The following PDE1A variants were observed in gnomAD, a reference collection of about 807,000 sequenced individuals.
PDE1A encodes dual specificity calcium/calmodulin-dependent 3',5'-cyclic nucleotide phosphodiesterase 1A.
PDE1A carries 35 observed loss-of-function variants against 61.7 expected under a neutral mutation model. The observed-to-expected ratio is 0.57, with a 90% CI of 0.43 to 0.75. The LOEUF (loss-of-function observed/expected upper bound fraction) is 0.75, where lower values mean the gene tolerates loss of function less well. PDE1A is among the 30% of genes least tolerant of loss of function. The probability of loss-of-function intolerance (pLI) is 0.00; values close to 1 mark genes in which losing one functional copy is unlikely to be tolerated. For synonymous variants in PDE1A, 232 were observed against 213.2 expected (o/e 1.09, Z -0.77); for missense variants, 597 against 630.6 (o/e 0.95, Z 0.57).
Position 182,234,420 on chromosome 2 carries a change from A to C in PDE1A, c.417+12T>G, listed in dbSNP as rs1414003185. 3 of 1,576,304 alleles carry C rather than the reference A, an allele frequency of 1.9e-6. No homozygotes were observed. In the Admixed American group the frequency reaches 5.3e-5, roughly 28 times the overall value. Reference sequence around the variant, plus strand: ...GACCATTTTATACACGAAAATAATGAAATTATGTCACCTTTAATGTTACGA... The same window carrying C: ...GACCATTTTATACACGAAAATAATGCAATTATGTCACCTTTAATGTTACGA... On this transcript the variant is annotated intron_variant, in intron 4 of 13. Coordinates refer to ENST00000351439, the Ensembl canonical transcript of PDE1A.
chr2:182,713,189 C>G, the PDE1A span, among the ~76,000 whole-genome samples: 1 of 152,142 alleles, frequency 6.6e-6, no homozygotes, highest in South Asian at 2.1e-4. Flanking sequence ...TTTGGCAAAT[C>G]TTTGCCCCTA....
intron 13 of PDE1A, among the ~76,000 whole-genome samples, chr2:182,174,754 T>C (rs1417325715): frequency 6.6e-6 from 1 of 151,812 alleles, no homozygotes; most frequent in Non-Finnish European, 1.5e-5. Context: ...TTTATTTTAT[T>C]TTTATTATAC....
chr2:182,716,711 C>T, the PDE1A span, among the ~76,000 whole-genome samples: 7 of 152,250 alleles, frequency 4.6e-5, no homozygotes, highest in African/African-American at 1.7e-4. Context: ...TAAGTCCGAC[C>T]TGAGACTTCA....
At chr2:182,484,456 G>C (rs1007088214) in intron 2 of PDE1A, among the ~76,000 whole-genome samples, 1 of 151,818 alleles carries the variant, frequency 6.6e-6, no homozygotes, top group African/African-American at 2.4e-5. Context: ...AGGAACAGGC[G>C]AAGACTTCAT....
At chr2:182,449,747 C>T (rs1227464472) in intron 2 of PDE1A, among the ~76,000 whole-genome samples, 1 of 152,006 alleles carries the variant, frequency 6.6e-6, no homozygotes, top group Non-Finnish European at 1.5e-5. Context: ...ATGTTGGTTA[C>T]ATTACCTACT....
intron 2 of PDE1A, among the ~76,000 whole-genome samples, chr2:182,472,386 G>T (rs1687080959): frequency 6.6e-6 from 1 of 151,916 alleles, no homozygotes; most frequent in Non-Finnish European, 1.5e-5. Context: ...CACAAAAAAA[G>T]AATAAAATCA....
chr2:182,219,623 G>C (rs1688550340), intron 7 of PDE1A, among the ~76,000 whole-genome samples: 1 of 152,036 alleles, frequency 6.6e-6, no homozygotes, highest in Non-Finnish European at 1.5e-5. Flanking sequence ...CCTATCTCCT[G>C]GTAGATACTT....
chr2:182,144,443 C>T (rs6734868), downstream of PDE1A, among the ~76,000 whole-genome samples: 112,047 of 152,118 alleles, frequency 0.74, 41,580 homozygotes, highest in East Asian at 0.89. Flanking sequence ...CTAAAATCTC[C>T]TAGAAATGAT....
chr2:182,145,548 T>C (rs1351144471), downstream of PDE1A, among the ~76,000 whole-genome samples: 1 of 151,998 alleles, frequency 6.6e-6, no homozygotes, highest in Non-Finnish European at 1.5e-5. Context: ...GGCAACACGC[T>C]GAAACCCTGT....
intron 1 of PDE1A, among the ~76,000 whole-genome samples, chr2:182,357,246 A>G (rs997732594): frequency 6.6e-6 from 1 of 152,050 alleles, no homozygotes; most frequent in African/African-American, 2.4e-5. Context: ...TCAATGAACT[A>G]CAGAGAGAGA....
chr2:182,648,511 CAAA>C, the PDE1A span, among the ~76,000 whole-genome samples: 786 of 76,222 alleles, frequency 0.01, 5 homozygotes, highest in African/African-American at 0.03. Context: ...CCTGTCCCCA[CAAA>C]AAAAAAAAAA....
chr2:182,247,631 C>A (rs575041877), intron 2 of PDE1A, among the ~76,000 whole-genome samples: 1 of 152,128 alleles, frequency 6.6e-6, no homozygotes, highest in Admixed American at 6.5e-5. Context: ...CATCTGACCA[C>A]GCTAGACAGT....
chr2:182,204,977 G>A (rs1686976449), intron 8 of PDE1A, among the ~76,000 whole-genome samples: 3 of 152,110 alleles, frequency 2.0e-5, no homozygotes, highest in Middle Eastern at 3.4e-3. Flanking sequence ...GGAGATTTAG[G>A]CTTATTTTAA....
intron 13 of PDE1A, among the ~76,000 whole-genome samples, chr2:182,179,194 C>T (rs1684537871): frequency 6.6e-6 from 1 of 152,056 alleles, no homozygotes; most frequent in Non-Finnish European, 1.5e-5. Flanking sequence ...TGATTTGTGG[C>T]CTAAGGATAT....
At position 182,207,589 on chromosome 2, in the gene PDE1A, A is replaced by T. The variant is rs116432120; in HGVS notation, c.777-1524T>A. ...GAGCATAAAAGTTTAAAATAGTTGC[A>T]GCCTGACCATGAGGTAGAAAAGAAA... On this transcript the variant is annotated intron_variant, in intron 7 of 13. Transcript: ENST00000351439. 8.4e-3 allele frequency among the ~76,000 whole-genome samples: 1,273 copies of T among 152,364 alleles called. 13 individuals carry two copies. Among genetic ancestry groups the T allele is most frequent in the South Asian group, 0.051 (247 of 4,828 alleles).
At chr2:182,219,895 C>T (rs911068546) in intron 7 of PDE1A, among the ~76,000 whole-genome samples, 1 of 151,932 alleles carries the variant, frequency 6.6e-6, no homozygotes, top group Admixed American at 6.6e-5. Context: ...ATGTTATATA[C>T]CATAAATGTA....
the PDE1A span, among the ~76,000 whole-genome samples, chr2:182,666,604 G>A: frequency 9.9e-6 from 1 of 101,448 alleles, no homozygotes; most frequent in African/African-American, 4.8e-5. Flanking sequence ...GTAAAACTCT[G>A]TCTCAAAAAA....
intron 1 of PDE1A, among the ~76,000 whole-genome samples, chr2:182,277,979 T>A (rs1693548791): frequency 6.6e-6 from 1 of 152,056 alleles, no homozygotes; most frequent in Admixed American, 6.6e-5. Context: ...CACTACAGTG[T>A]ATTCAATGTC....
At chr2:182,695,804 A>G in the PDE1A span, among the ~76,000 whole-genome samples, 3 of 152,240 alleles carry the variant, frequency 2.0e-5, no homozygotes, top group Non-Finnish European at 4.4e-5. Flanking sequence ...GAAATTGGCC[A>G]AAGACCTTAA....
Sources: allele counts gnomAD v4.1 joint callset (sites outside exome capture counted in the v4.1 genomes callset), GRCh38; gene constraint gnomAD v4.1.1; transcripts MANE v1.5; gene names NCBI Gene and HGNC (gene_info 2026-07-23, HGNC 2026-07-21).